The following FMN2 variants were observed in gnomAD, a reference collection of about 807,000 sequenced individuals.
FMN2 encodes formin-2.
In FMN2, 51 loss-of-function variants were observed where a neutral mutation model predicts 142.3. The observed-to-expected ratio is 0.36, with a 90% CI of 0.29 to 0.45. The LOEUF (loss-of-function observed/expected upper bound fraction) is 0.45, where lower values mean the gene tolerates loss of function less well. Among genes scored for constraint, FMN2 ranks in the 20% least tolerant of loss-of-function variants. FMN2 has a pLI of 1.00. For synonymous variants in FMN2, 882 were observed against 869.8 expected, an observed-to-expected ratio of 1.01 and a Z score of -0.25; for missense variants, 1,936 against 2,122.8, an observed-to-expected ratio of 0.91 and a Z score of 1.73.
intron 14 of FMN2, among the ~76,000 whole-genome samples, chr1:240,389,062 A>G (rs1673515632): frequency 6.6e-6 from 1 of 152,146 alleles, no homozygotes; most frequent in Non-Finnish European, 1.5e-5. Flanking sequence ...GAATCATGTC[A>G]AAAAGAAATG....
At chr1:240,433,325 T>C (rs74151675) in intron 15 of FMN2, among the ~76,000 whole-genome samples, 4,507 of 152,312 alleles carry the variant, frequency 0.03, 184 homozygotes, top group African/African-American at 0.1. Context: ...TCATCTTGCT[T>C]ATTTTTATTT....
chr1:240,219,714 G>A (rs1262229560), intron 6 of FMN2, among the ~76,000 whole-genome samples: 1 of 151,942 alleles, frequency 6.6e-6, no homozygotes. Flanking sequence ...GAGTACTGTG[G>A]TATGATCATG....
intron 6 of FMN2, among the ~76,000 whole-genome samples, chr1:240,239,672 C>G (rs1667826180): frequency 6.6e-6 from 1 of 152,162 alleles, no homozygotes; most frequent in Admixed American, 6.5e-5. Flanking sequence ...ATGGATGGAG[C>G]AAGAAATCAA....
intron 6 of FMN2, among the ~76,000 whole-genome samples, chr1:240,216,426 C>A (rs1666898766): frequency 6.6e-6 from 1 of 152,130 alleles, no homozygotes; most frequent in Non-Finnish European, 1.5e-5. Context: ...CCATTTAATG[C>A]AACACAATGA....
chr1:240,439,840 C>G (rs1460828341), intron 16 of FMN2, among the ~76,000 whole-genome samples: 3 of 151,894 alleles, frequency 2.0e-5, no homozygotes, highest in South Asian at 2.1e-4. Flanking sequence ...CTTTTTTTAA[C>G]TTTAGCACGT....
chr1:240,288,714 C>T (rs1306862881), intron 7 of FMN2, among the ~76,000 whole-genome samples: 2 of 151,956 alleles, frequency 1.3e-5, no homozygotes, highest in Non-Finnish European at 2.9e-5. Flanking sequence ...AGAAGGAGGC[C>T]CTGTCTCGTA....
intron 6 of FMN2, among the ~76,000 whole-genome samples, chr1:240,228,538 G>A (rs189898230): frequency 6.6e-6 from 1 of 152,056 alleles, no homozygotes; most frequent in East Asian, 1.9e-4. Context: ...GCCATAGCTA[G>A]CATGATAAGG....
Position 240,415,199 on chromosome 1 carries a change from T to C in FMN2, c.4910+22637T>C, listed in dbSNP as rs138137501. 3.6e-3 allele frequency among the ~76,000 whole-genome samples: 553 copies of C among 152,278 alleles called. 4 individuals carry two copies. Among genetic ancestry groups the C allele is most frequent in the African/African-American group, 0.012 (516 of 41,554 alleles). ...GGCACATTTACACCACGGAATACTA[T>C]GCAGCCATAAAAAGGATGATTTCAT... On this transcript the variant is annotated intron_variant, in intron 15 of 17. Coordinates refer to ENST00000319653, the MANE Select transcript of FMN2 (RefSeq NM_020066.5).
chr1:240,145,166 A>G (rs991346195), intron 2 of FMN2: 33 of 1,470,862 alleles, frequency 2.2e-5, no homozygotes, highest in Non-Finnish European at 2.8e-5. Flanking sequence ...TGGTCGATAC[A>G]GGGATGTGTC....
chr1:240,266,034 T>TTTA (rs1553352788), intron 7 of FMN2, among the ~76,000 whole-genome samples: 2 of 150,984 alleles, frequency 1.3e-5, no homozygotes, highest in African/African-American at 2.4e-5. Context: ...TTTTTTTTTT[T>TTTA]AATAAATCAA....
intron 6 of FMN2, among the ~76,000 whole-genome samples, chr1:240,219,765 T>C (rs1667037146): frequency 6.6e-6 from 1 of 151,982 alleles, no homozygotes. Flanking sequence ...AGCAATCCTC[T>C]CACCTCAGCC....
At chr1:240,200,849 T>G (rs1666096715) in intron 4 of FMN2, among the ~76,000 whole-genome samples, 1 of 152,210 alleles carries the variant, frequency 6.6e-6, no homozygotes, top group African/African-American at 2.4e-5. Context: ...AAGTTCTGTT[T>G]ATAAAAATTT....
In FMN2 at chr1:240,207,616, C is replaced by T. The variant is rs1666435379; in HGVS notation, c.2804C>T (p.Pro935Leu). Residue 935 changes from proline (P) to leucine (L), a missense_variant, in exon 5 of 18, where the codon CCC becomes CTC. Physicochemically the swap from Pro to Leu is moderately conservative, Grantham distance 98. Around this residue, in one of 8 missense-constraint regions of FMN2, gnomAD observed 478 missense variants for 462.8 expected, o/e 1.03. Coordinates refer to ENST00000319653, the MANE Select transcript of FMN2 (RefSeq NM_020066.5). The stretch of plus-strand genomic sequence containing the variant: ...CCCGGAGCAGGCATACTCCCTCTGC[C>T]CCCTCTACCCGGAGCGGGAATACCT... Reference protein sequence around the residue: ...PLPGAGILPLPPLPGAGIPPP... With the variant: ...PLPGAGILPLLPLPGAGIPPP... 2.5e-6 allele frequency: 3 copies of T among 1,177,072 alleles called. No individual in the cohort carries two copies. The highest frequency in any genetic ancestry group is 3.3e-6 in the Non-Finnish European group (3 of 900,278). 72.9% of individuals were successfully genotyped at this position (1,177,072 alleles called of 1,614,324 possible). A position where few individuals can be genotyped will look rare whatever the true frequency, so the allele number is the denominator to read the frequency against.
At chr1:240,446,457 A>G (rs543642751) in intron 16 of FMN2, among the ~76,000 whole-genome samples, 1 of 152,208 alleles carries the variant, frequency 6.6e-6, no homozygotes, top group Non-Finnish European at 1.5e-5. Flanking sequence ...AGCATTTGCT[A>G]AAAGGGTTTT....
intron 3 of FMN2, among the ~76,000 whole-genome samples, chr1:240,182,264 G>A (rs920965487): frequency 2.0e-5 from 3 of 152,204 alleles, no homozygotes; most frequent in Admixed American, 6.5e-5. Context: ...AAGGTGTGTA[G>A]ATGTGAATAG....
chr1:240,416,262 C>CTTTTTT lies in FMN2; in HGVS notation c.4911-21788_4911-21783dup, dbSNP rs11417639. On this transcript the variant is annotated intron_variant, in intron 15 of 17. Transcript: ENST00000319653. The stretch of plus-strand genomic sequence containing the variant: ...CTTGCCTGTACATTCCCTTTCCACT[C>CTTTTTT]TTTTTTTTTTTTTTTTGAGACGGAG... Among the ~76,000 whole-genome samples, 24 of 135,126 alleles carry CTTTTTT rather than the reference C, an allele frequency of 1.8e-4. 2 individuals carry two copies. The highest frequency in any genetic ancestry group is 6.7e-4 in the African/African-American group (24 of 35,788). 88.6% of individuals were successfully genotyped at this position (135,126 alleles called of 152,430 possible). A position where few individuals can be genotyped will look rare whatever the true frequency, so the allele number is the denominator to read the frequency against.
At chr1:240,113,098 G>A (rs1159307777) in intron 1 of FMN2, among the ~76,000 whole-genome samples, 1 of 152,128 alleles carries the variant, frequency 6.6e-6, no homozygotes, top group Non-Finnish European at 1.5e-5. Context: ...TCATTTATTG[G>A]TGTGGTTGAC....
chr1:240,121,710 C>CT (rs1164833907), intron 1 of FMN2, among the ~76,000 whole-genome samples: 2 of 115,586 alleles, frequency 1.7e-5, no homozygotes, highest in Non-Finnish European at 3.3e-5. Flanking sequence ...TATTATGCCT[C>CT]TCTTGCCTTT....
chr1:240,198,582 A>G (rs1331948515), intron 4 of FMN2, among the ~76,000 whole-genome samples: 1 of 152,102 alleles, frequency 6.6e-6, no homozygotes, highest in Non-Finnish European at 1.5e-5. Flanking sequence ...TTCCCATAAT[A>G]TGTTCTATTT....
Sources: allele counts gnomAD v4.1 joint callset (sites outside exome capture counted in the v4.1 genomes callset), GRCh38; gene constraint gnomAD v4.1.1; regional missense constraint gnomAD v4.1.1; transcripts MANE v1.5; gene names NCBI Gene and HGNC (gene_info 2026-07-23, HGNC 2026-07-21).